Variants in FARS2 observed in about 807,000 individuals in gnomAD.
FARS2 encodes phenylalanine--tRNA ligase, mitochondrial.
A neutral mutation model predicts 46.4 loss-of-function variants in FARS2; 40 were observed. The ratio of observed to expected loss-of-function variants is 0.86; its 90% confidence interval spans 0.67 to 1.12. The LOEUF (loss-of-function observed/expected upper bound fraction) is 1.12, where lower values mean the gene tolerates loss of function less well. Ranked by LOEUF, FARS2 falls within the 50% of genes most tolerant of loss-of-function variation. The probability of loss-of-function intolerance (pLI) is 0.00; values close to 1 mark genes in which losing one functional copy is unlikely to be tolerated. For missense variants in FARS2, 513 were observed against 567.9 expected, an observed-to-expected ratio of 0.90 and a Z score of 0.98; for synonymous variants, 234 against 214.9, an observed-to-expected ratio of 1.09 and a Z score of -0.78.
the FARS2 span, among the ~76,000 whole-genome samples, chr6:5,253,550 G>T: frequency 5.4e-4 from 82 of 152,132 alleles, no homozygotes; most frequent in African/African-American, 1.7e-3. Context: ...AAGCTGCAGC[G>T]ACAACTTGCG....
intron 1 of FARS2, among the ~76,000 whole-genome samples, chr6:5,355,530 T>G (rs9504382): frequency 0.15 from 23,154 of 151,874 alleles, 2,694 homozygotes; most frequent in African/African-American, 0.33. Context: ...CTAATTTTTT[T>G]GTAATTTTAG....
intron 4 of FARS2, among the ~76,000 whole-genome samples, chr6:5,543,075 G>A (rs2150494174): frequency 6.6e-6 from 1 of 152,222 alleles, no homozygotes; most frequent in East Asian, 1.9e-4. Context: ...GGAATGTCAT[G>A]TGCATAATTT....
rs114268982 is a variant in FARS2, at chr6:5,741,343, T to C, written c.1218-29948T>C. 3.2e-3 allele frequency among the ~76,000 whole-genome samples: 481 copies of C among 152,326 alleles called. 2 individuals carry two copies. The highest frequency in any genetic ancestry group is 0.011 in the African/African-American group (461 of 41,580). On this transcript the variant is annotated intron_variant, in intron 6 of 6. Coordinates refer to ENST00000274680, the MANE Select transcript of FARS2 (RefSeq NM_006567.5). ...GTGGATGCTATGGGAATGGAGAGCA[T>C]TGGTCATGCAACAGCTTCGCCTATG...
intron 5 of FARS2, among the ~76,000 whole-genome samples, chr6:5,556,390 A>G (rs1582438775): frequency 6.6e-6 from 1 of 151,902 alleles, no homozygotes; most frequent in South Asian, 2.1e-4. Flanking sequence ...CTGTTCTGAG[A>G]GCGGCAGCCA....
intron 4 of FARS2, among the ~76,000 whole-genome samples, chr6:5,432,641 G>A (rs1431833807): frequency 6.7e-6 from 1 of 149,810 alleles, no homozygotes; most frequent in African/African-American, 2.5e-5. Flanking sequence ...GAACTGATGT[G>A]GATTGTTCAG....
At chr6:5,484,403 G>T (rs2150348698) in intron 4 of FARS2, among the ~76,000 whole-genome samples, 1 of 152,322 alleles carries the variant, frequency 6.6e-6, no homozygotes, top group East Asian at 1.9e-4. Flanking sequence ...ATTAGAGCTT[G>T]CAGTGATGAT....
At position 5,545,197 on chromosome 6, in the gene FARS2, A is replaced by G. The variant is rs1488416952; in HGVS notation, c.922A>G (p.Ile308Val). 4 of 1,613,698 alleles carry G rather than the reference A, an allele frequency of 2.5e-6. No homozygotes were observed. Among genetic ancestry groups the G allele is most frequent in the African/African-American group, 2.7e-5 (2 of 74,914 alleles). The change falls in exon 5 of 7, where the codon ATC becomes GTC. Residue 308 changes from isoleucine to valine, a missense_variant. Coordinates refer to ENST00000274680, the MANE Select transcript of FARS2 (RefSeq NM_006567.5). The part of the protein sequence containing the change: ...LVNSAGAQDR[I>V]GWAFGLGLER... ...AATCACAGCTGGTGCTCAAGACCGA[A>G]TCGGCTGGGCTTTTGGCCTAGGATT...
chr6:5,295,841 G>A (rs1767816974), intron 1 of FARS2, among the ~76,000 whole-genome samples: 1 of 152,166 alleles, frequency 6.6e-6, no homozygotes, highest in Non-Finnish European at 1.5e-5. Flanking sequence ...GGCTAGAAAT[G>A]TTTTGTCGCA....
chr6:5,260,598 T>TGCCCCGGCCCCGGGCCCCCCCCCCCCG, upstream of FARS2: 1 of 1,105,570 alleles, frequency 9.0e-7, no homozygotes, highest in Non-Finnish European at 1.3e-6. Flanking sequence ...GCACCCCCGG[T>TGCCCCGGCCCCGGGCCCCCCCCCCCCG]CCCCGGCCCC....
At chr6:5,482,514 G>A (rs1480012481) in intron 4 of FARS2, among the ~76,000 whole-genome samples, 1 of 152,132 alleles carries the variant, frequency 6.6e-6, no homozygotes. Context: ...TGGATTTCTA[G>A]GGATGCTCTT....
intron 6 of FARS2, among the ~76,000 whole-genome samples, chr6:5,698,241 T>C (rs1026798253): frequency 2.0e-5 from 3 of 152,232 alleles, no homozygotes; most frequent in Admixed American, 2.0e-4. Flanking sequence ...TGCTGGCATA[T>C]GCTCAGCTTC....
intron 1 of FARS2, among the ~76,000 whole-genome samples, chr6:5,262,296 G>C (rs965295032): frequency 2.6e-5 from 4 of 151,240 alleles, no homozygotes; most frequent in Non-Finnish European, 4.4e-5. Context: ...TCTTTTTTTT[G>C]AGATGGAGTC....
At chr6:5,337,083 C>G (rs1035842914) in intron 1 of FARS2, among the ~76,000 whole-genome samples, 2 of 150,110 alleles carry the variant, frequency 1.3e-5, no homozygotes, top group African/African-American at 4.9e-5. Flanking sequence ...TTTTTTTACC[C>G]AAATAGTTTT....
intron 6 of FARS2, among the ~76,000 whole-genome samples, chr6:5,729,897 C>T (rs1760510383): frequency 6.6e-6 from 1 of 152,208 alleles, no homozygotes; most frequent in African/African-American, 2.4e-5. Context: ...ATCATGGGGG[C>T]TGACCTGGGC....
At position 5,387,280 on chromosome 6, in the gene FARS2, C is replaced by G. The variant is rs2432755; in HGVS notation, c.613-17262C>G. Among the ~76,000 whole-genome samples, 7 of 152,060 alleles carry G rather than the reference C, an allele frequency of 4.6e-5. 1 individual carries two copies. In the South Asian group the frequency reaches 1.0e-3, roughly 23 times the overall value. ...GACGGGATAGGGTATATCCAAGACG[C>G]GAGGAGATGGATTAGTAACACCTGC... On this transcript the variant is annotated intron_variant, in intron 2 of 6. Coordinates refer to ENST00000274680, the MANE Select transcript of FARS2 (RefSeq NM_006567.5).
At chr6:5,408,980 C>A (rs1027252215) in intron 3 of FARS2, among the ~76,000 whole-genome samples, 1 of 152,168 alleles carries the variant, frequency 6.6e-6, no homozygotes, top group Non-Finnish European at 1.5e-5. Flanking sequence ...GGATATATAT[C>A]TCTCTGAAAA....
At chr6:5,445,637 G>A (rs550440954) in intron 4 of FARS2, among the ~76,000 whole-genome samples, 1 of 152,312 alleles carries the variant, frequency 6.6e-6, no homozygotes, top group Admixed American at 6.5e-5. Flanking sequence ...TATGGCAAAT[G>A]ATGGTCTGAA....
Position 5,330,304 on chromosome 6 carries a change from C to G in FARS2, c.-21-38246C>G, listed in dbSNP as rs144878354. On this transcript the variant is annotated intron_variant, in intron 1 of 6. Coordinates refer to ENST00000274680, the MANE Select transcript of FARS2 (RefSeq NM_006567.5). ...GTCTTCTAAGTCTTATCCATCCTCA[C>G]TTTTTTCTTTTGTGATTTCCCTTTC... 2.3e-3 allele frequency among the ~76,000 whole-genome samples: 347 copies of G among 152,278 alleles called. 1 individual carries two copies. The highest frequency in any genetic ancestry group is 8.0e-3 in the African/African-American group (333 of 41,546).
intron 5 of FARS2, among the ~76,000 whole-genome samples, chr6:5,551,107 C>T (rs1171913744): frequency 6.6e-6 from 1 of 152,196 alleles, no homozygotes; most frequent in Non-Finnish European, 1.5e-5. Context: ...TCTGTTTTCT[C>T]CTGCAAGAAT....
Sources: allele counts gnomAD v4.1 joint callset (sites outside exome capture counted in the v4.1 genomes callset), GRCh38; gene constraint gnomAD v4.1.1; transcripts MANE v1.5; gene names NCBI Gene and HGNC (gene_info 2026-07-23, HGNC 2026-07-21).